The following DTNB variants were observed in gnomAD, a reference collection of about 807,000 sequenced individuals.
DTNB encodes the protein dystrobrevin beta, also known as DTN-B.
Under a neutral mutation model 90.7 loss-of-function variants are expected in DTNB, and 63 were observed. That is an observed-to-expected ratio of 0.69 (90% CI 0.57 to 0.86). The LOEUF is 0.86. Among genes scored for constraint, DTNB ranks in the 40% least tolerant of loss-of-function variants. The pLI is 0.00. For missense variants in DTNB, 744 were observed against 807.1 expected (o/e 0.92, Z 0.95); for synonymous variants, 277 against 286.7 (o/e 0.97, Z 0.34).
intron 11 of DTNB, among the ~76,000 whole-genome samples, chr2:25,454,927 A>G (rs185968268): frequency 3.3e-5 from 5 of 152,326 alleles, no homozygotes; most frequent in Non-Finnish European, 7.3e-5. Context: ...ATCAACACTG[A>G]CAGATTCCTG....
intron 8 of DTNB, among the ~76,000 whole-genome samples, chr2:25,561,151 C>A (rs2058203628): frequency 6.6e-6 from 1 of 152,152 alleles, no homozygotes; most frequent in South Asian, 2.1e-4. Context: ...TTGAGCCTAC[C>A]ATCTTTATCT....
In DTNB at chr2:25,432,994, A is replaced by T; in HGVS notation, c.1349T>A (p.Ile450Asn). Residue 450 changes from isoleucine to asparagine, a missense_variant, in exon 14 of 21, where the codon ATC (isoleucine) becomes AAC (asparagine). Ile to Asn is a moderately radical substitution (Grantham distance 149). Coordinates refer to ENST00000406818, the MANE Select transcript of DTNB (RefSeq NM_021907.5). ...IAELENKNRE[I>N]LQEIQRLRLE... ...GCGGAGACGCTGAATCTCCTGCAGG[A>T]TCTCTCTAGAGAGGATGGGTGAACG... 6.2e-7 allele frequency: 1 copy of T among 1,604,198 alleles called. No individual in the cohort carries two copies. Among genetic ancestry groups the T allele is most frequent in the Non-Finnish European group, 8.5e-7 (1 of 1,176,628 alleles).
intron 7 of DTNB, 102 bp downstream of exon 7, chr2:25,580,619 C>A: frequency 9.0e-7 from 1 of 1,115,148 alleles, no homozygotes; most frequent in Non-Finnish European, 1.3e-6. Context: ...CAGCAAATGT[C>A]AACTGTAATT....
At chr2:25,642,615 T>G (rs1434346903) in intron 2 of DTNB, among the ~76,000 whole-genome samples, 3 of 151,868 alleles carry the variant, frequency 2.0e-5, no homozygotes. Context: ...TTTCACTATG[T>G]TGCCCAGGCT....
At chr2:25,469,982 C>T (rs2062496892) in intron 10 of DTNB, among the ~76,000 whole-genome samples, 1 of 152,188 alleles carries the variant, frequency 6.6e-6, no homozygotes, top group African/African-American at 2.4e-5. Context: ...CATAGCCTGG[C>T]CTCCACAACT....
chr2:25,507,004 GC>G (rs2072622681), intron 9 of DTNB, among the ~76,000 whole-genome samples: 1 of 152,016 alleles, frequency 6.6e-6, no homozygotes, highest in Non-Finnish European at 1.5e-5. Context: ...TTGGATCCAT[GC>G]ATATTAGAAA....
chr2:25,428,147 A>C (rs778140354), intron 14 of DTNB: 3 of 152,114 alleles, frequency 2.0e-5, no homozygotes, highest in Non-Finnish European at 4.4e-5. Flanking sequence ...AACCAGACTT[A>C]AGACTTTATT....
At chr2:25,631,018 A>G (rs891356383) in intron 3 of DTNB, among the ~76,000 whole-genome samples, 3 of 152,166 alleles carry the variant, frequency 2.0e-5, no homozygotes, top group Non-Finnish European at 4.4e-5. Flanking sequence ...CCATTAAAAA[A>G]AAGTATATTA....
intron 9 of DTNB, among the ~76,000 whole-genome samples, chr2:25,531,189 A>G (rs2078100969): frequency 6.6e-6 from 1 of 152,228 alleles, no homozygotes. Flanking sequence ...AAATCACAAA[A>G]GGCAGCCCAG....
intron 4 of DTNB, among the ~76,000 whole-genome samples, chr2:25,624,534 T>A (rs1573593621): frequency 6.6e-6 from 1 of 152,188 alleles, no homozygotes; most frequent in Non-Finnish European, 1.5e-5. Flanking sequence ...GCAACCAAGA[T>A]GAGGGGCTGG....
chr2:25,545,795 T>A (rs1008770370), intron 8 of DTNB, among the ~76,000 whole-genome samples: 1 of 152,170 alleles, frequency 6.6e-6, no homozygotes, highest in Admixed American at 6.5e-5. Flanking sequence ...CTAATTTCTG[T>A]ATTTTTAGTA....
chr2:25,387,307 C>T lies in DTNB; in HGVS notation c.1807G>A (p.Val603Met), dbSNP rs1019172891. The T allele has an allele frequency of 1.2e-6, 2 of 1,610,776 alleles. No homozygotes were observed. The highest frequency in any genetic ancestry group is 1.7e-6 in the Non-Finnish European group (2 of 1,178,740). The change falls in exon 18 of 21, where the codon GTG becomes ATG. Residue 603 changes from valine (V) to methionine (M), a missense_variant. Coordinates refer to ENST00000406818, the MANE Select transcript of DTNB (RefSeq NM_021907.5). The surrounding 1 kb of genome is among the most constrained non-coding windows in gnomAD (Gnocchi z 4.5). ...GTTTCACCTGAATGGAGCTCCTTCA[C>T]CAGGGATGACATGGTGTTGGTGATG... The part of the protein sequence containing the change: ...DSITNTMSSL[V>M]KELHSAEEGA...
intron 16 of DTNB, among the ~76,000 whole-genome samples, chr2:25,404,216 A>C (rs2044461100): frequency 6.6e-6 from 1 of 152,210 alleles, no homozygotes; most frequent in South Asian, 2.1e-4. Flanking sequence ...GTACGTATGC[A>C]ACCAGCACAC....
intron 16 of DTNB, among the ~76,000 whole-genome samples, chr2:25,413,341 C>G (rs748946662): frequency 5.9e-5 from 9 of 151,528 alleles, no homozygotes; most frequent in South Asian, 4.2e-4. Context: ...ATGTATACAT[C>G]TGCCATGTTG....
At chr2:25,427,885 T>C in intron 14 of DTNB, 1 of 266,578 alleles carries the variant, frequency 3.8e-6, no homozygotes. Flanking sequence ...ATTACCAGAG[T>C]GAATTAATGA....
At chr2:25,421,455 C>T (rs909709806) in intron 15 of DTNB, among the ~76,000 whole-genome samples, 1 of 152,244 alleles carries the variant, frequency 6.6e-6, no homozygotes, top group Non-Finnish European at 1.5e-5. Flanking sequence ...AGCGCTTCTG[C>T]TTTTGCACCT....
chr2:25,427,222 CACTACTT>C (rs1474874947), intron 15 of DTNB, among the ~76,000 whole-genome samples: 2 of 149,296 alleles, frequency 1.3e-5, no homozygotes, highest in Non-Finnish European at 3.0e-5. Flanking sequence ...CACACACACA[CACTACTT>C]TAAGTAGTTG....
intron 8 of DTNB, among the ~76,000 whole-genome samples, chr2:25,551,333 T>C (rs1382878376): frequency 6.6e-6 from 1 of 152,246 alleles, no homozygotes; most frequent in Non-Finnish European, 1.5e-5. Context: ...TCCTAGGGTA[T>C]AAATCTGCTT....
chr2:25,530,162 G>A (rs1357745613), intron 9 of DTNB, among the ~76,000 whole-genome samples: 3 of 152,130 alleles, frequency 2.0e-5, no homozygotes, highest in Non-Finnish European at 2.9e-5. Context: ...CTGGCTGGGC[G>A]CAGTGGCTCA....
Sources: gnomAD v4.1 joint callset for allele counts (sites outside exome capture counted in the v4.1 genomes callset) on GRCh38, gnomAD v4.1.1 for gene constraint, Gnocchi (gnomAD v3.1) non-coding constraint, MANE v1.5 for transcripts, NCBI Gene and HGNC (gene_info 2026-07-23, HGNC 2026-07-21) for gene names.